PRKCQ: variants seen among roughly 807,000 people sequenced by gnomAD.
The protein encoded by PRKCQ is protein kinase C theta.
PRKCQ carries 41 observed loss-of-function variants against 91.2 expected under a neutral mutation model. The ratio of observed to expected loss-of-function variants is 0.45; its 90% CI spans 0.35 to 0.58. The LOEUF (loss-of-function observed/expected upper bound fraction) is 0.58. Among genes scored for constraint, PRKCQ ranks in the 20% least tolerant of loss-of-function variants. The pLI, the probability that PRKCQ is intolerant of heterozygous loss-of-function variation, is 0.00. For missense variants in PRKCQ, 673 were observed against 896.5 expected (o/e 0.75, Z 3.18); for synonymous variants, 307 against 316.9 (o/e 0.97, Z 0.33).
At chr10:6,413,726 C>CGT in the PRKCQ span, among the ~76,000 whole-genome samples, 8 of 107,782 alleles carry the variant, frequency 7.4e-5, 1 homozygote, top group South Asian at 9.6e-4. Context: ...GCCACTTGTG[C>CGT]GCGCGCACAC....
intron 7 of PRKCQ, among the ~76,000 whole-genome samples, chr10:6,496,068 T>C (rs1837567593): frequency 1.3e-5 from 2 of 151,614 alleles, no homozygotes; most frequent in South Asian, 4.2e-4. Flanking sequence ...ATACGAAAAT[T>C]AGCCAGGCGT....
chr10:6,510,127 A>G (rs1838397613), intron 3 of PRKCQ, among the ~76,000 whole-genome samples: 1 of 152,266 alleles, frequency 6.6e-6, no homozygotes, highest in Admixed American at 6.5e-5. Context: ...CCTTTGGCAC[A>G]GATGATATAA....
At chr10:6,492,580 G>A (rs10906698) in intron 7 of PRKCQ, among the ~76,000 whole-genome samples, 20,984 of 152,138 alleles carry the variant, frequency 0.14, 1,552 homozygotes, top group African/African-American at 0.19. Context: ...CAGAATCAGA[G>A]CCCAGCCATT....
chr10:6,578,041 T>C (rs745944214), intron 1 of PRKCQ, among the ~76,000 whole-genome samples: 9 of 152,204 alleles, frequency 5.9e-5, no homozygotes, highest in Non-Finnish European at 1.2e-4. Context: ...GAGAATACTT[T>C]ATAGAAATGA....
intron 12 of PRKCQ, among the ~76,000 whole-genome samples, chr10:6,469,132 G>A (rs1458634847): frequency 1.3e-5 from 2 of 152,178 alleles, no homozygotes; most frequent in African/African-American, 2.4e-5. Flanking sequence ...GATTTGGAGC[G>A]AGTGTGCAGA....
the PRKCQ span, among the ~76,000 whole-genome samples, chr10:6,407,509 T>C: frequency 6.6e-6 from 1 of 150,994 alleles, no homozygotes; most frequent in South Asian, 2.1e-4. The surrounding 1 kb of genome is among the most constrained non-coding windows in gnomAD (Gnocchi z 4.0). Context: ...TGTGTATGTA[T>C]GGTGTTTGTG....
In PRKCQ at chr10:6,576,866, A is replaced by G. The variant is rs1159329737; in HGVS notation, c.-10+3345T>C. On this transcript the variant is annotated intron_variant, in intron 1 of 17. Coordinates refer to ENST00000263125, the MANE Select transcript of PRKCQ (RefSeq NM_006257.5). This position sits in a 1 kb window ranked among gnomAD's most constrained non-coding sequence, Gnocchi z 4.2. ...CCTGGACAAGGGGCTCTACCCCTTG[A>G]GCCTCAGTTTCCTCATCTGAAAAAC... Among the ~76,000 whole-genome samples, 1 of 152,148 alleles carries G rather than the reference A, an allele frequency of 6.6e-6. No homozygotes were observed. The highest frequency in any genetic ancestry group is 1.9e-4 in the East Asian group (1 of 5,200).
chr10:6,463,937 C>T (rs1406690294), intron 13 of PRKCQ, among the ~76,000 whole-genome samples: 1 of 152,186 alleles, frequency 6.6e-6, no homozygotes, highest in Non-Finnish European at 1.5e-5. Flanking sequence ...TTTATGCCTC[C>T]ACATCAGGCT....
chr10:6,568,788 G>GCGCC (rs1474167486), intron 1 of PRKCQ, among the ~76,000 whole-genome samples: 1 of 152,014 alleles, frequency 6.6e-6, no homozygotes, highest in African/African-American at 2.4e-5. Flanking sequence ...GTGAGCCACC[G>GCGCC]CGCCCGGCCA....
chr10:6,485,843 A>C (rs1325111498), intron 9 of PRKCQ, among the ~76,000 whole-genome samples, 192 bp downstream of exon 9: 1 of 152,266 alleles, frequency 6.6e-6, no homozygotes, highest in Admixed American at 6.5e-5. Flanking sequence ...GATCTGCATA[A>C]TACAAATGCA....
the PRKCQ span, among the ~76,000 whole-genome samples, chr10:6,406,765 G>A: frequency 1.3e-5 from 2 of 152,086 alleles, no homozygotes; most frequent in Admixed American, 1.3e-4. Context: ...CATTACCATG[G>A]GTACTCACTC....
intron 12 of PRKCQ, among the ~76,000 whole-genome samples, chr10:6,476,424 A>T (rs1836273739): frequency 6.6e-6 from 1 of 152,192 alleles, no homozygotes; most frequent in Non-Finnish European, 1.5e-5. Flanking sequence ...AAGATATAAT[A>T]AAAATAAAAT....
At chr10:6,476,763 C>T (rs1052161360) in intron 12 of PRKCQ, among the ~76,000 whole-genome samples, 1 of 152,182 alleles carries the variant, frequency 6.6e-6, no homozygotes, top group Non-Finnish European at 1.5e-5. Flanking sequence ...TTGCTACAAG[C>T]CTCAAAATAC....
chr10:6,415,444 ATATATATAT>A, the PRKCQ span, among the ~76,000 whole-genome samples: 91 of 79,752 alleles, frequency 1.1e-3, no homozygotes, highest in African/African-American at 3.3e-3. Flanking sequence ...ATATATATAT[ATATATATAT>A]ATACACTTAC....
chr10:6,569,399 A>G (rs1202142631), intron 1 of PRKCQ, among the ~76,000 whole-genome samples: 1 of 151,816 alleles, frequency 6.6e-6, no homozygotes, highest in Admixed American at 6.6e-5. Context: ...TAGGAGCTTA[A>G]AGAGGCTCAG....
At position 6,486,141 on chromosome 10, in the gene PRKCQ, C is replaced by T. The variant is rs1157011799; in HGVS notation, c.794G>A (p.Cys265Tyr). Residue 265 changes from cysteine to tyrosine, a missense_variant, in exon 9 of 18, where the codon TGT (cysteine) becomes TAT (tyrosine). Coordinates refer to ENST00000263125, the MANE Select transcript of PRKCQ (RefSeq NM_006257.5). ...LARQGLKCDA[C>Y]GMNVHHRCQT... is the part of the protein sequence containing the mutation. Reference sequence around the variant, plus strand: ...GCATCTATGATGCACATTCATGCCACATGCTGGAAGGAAGAAGGCAGATAG... The same window carrying T: ...GCATCTATGATGCACATTCATGCCATATGCTGGAAGGAAGAAGGCAGATAG... 2 of 1,613,652 alleles carry T rather than the reference C, an allele frequency of 1.2e-6. No individual in the cohort carries two copies. The highest frequency in any genetic ancestry group is 1.7e-6 in the Non-Finnish European group (2 of 1,179,616).
rs145193466 is a variant in PRKCQ at position 6,563,101 on chromosome 10, C to T, written c.-10+17110G>A. On this transcript the variant is annotated intron_variant, in intron 1 of 17. Transcript: ENST00000263125. ...AACAATAGCCCCTGTCCCTTGTCAA[C>T]TAGATCCCAGCGCACAGTTTCACTT... Among the ~76,000 whole-genome samples, 587 of 152,226 alleles carry T rather than the reference C, an allele frequency of 3.9e-3. 3 individuals carry two copies. Among genetic ancestry groups the T allele is most frequent in the African/African-American group, 0.013 (550 of 41,526 alleles).
At chr10:6,413,247 C>G in the PRKCQ span, among the ~76,000 whole-genome samples, 6 of 152,122 alleles carry the variant, frequency 3.9e-5, no homozygotes, top group Admixed American at 2.0e-4. Flanking sequence ...CCACTCTGCC[C>G]GGCCTTAAAC....
chr10:6,535,320 A>G (rs894650074), intron 1 of PRKCQ, among the ~76,000 whole-genome samples: 1 of 152,208 alleles, frequency 6.6e-6, no homozygotes. Context: ...GTTTCCAAGA[A>G]TCCTCCAATC....
Sources: allele counts gnomAD v4.1 joint callset (sites outside exome capture counted in the v4.1 genomes callset), GRCh38; gene constraint gnomAD v4.1.1; non-coding constraint Gnocchi (gnomAD v3.1); transcripts MANE v1.5; gene names NCBI Gene and HGNC (gene_info 2026-07-23, HGNC 2026-07-21).